Variants in TBL1XR1 observed in about 807,000 individuals in gnomAD.
TBL1XR1 encodes TBL1X/Y related 1, also known as F-box-like/WD repeat-containing protein TBL1XR1.
In TBL1XR1, 5 loss-of-function variants were observed where a neutral mutation model predicts 66.9. The observed-to-expected ratio is 0.07, with a 90% CI of 0.04 to 0.16. The LOEUF is 0.16. Ranked by LOEUF, TBL1XR1 falls within the 10% of genes least tolerant of loss-of-function variation. TBL1XR1 has a pLI of 1.00. For synonymous variants in TBL1XR1, 210 were observed against 206.0 expected (o/e 1.02, Z -0.17); for missense variants, 238 against 623.2 (o/e 0.38, Z 6.58).
chr3:177,043,256 A>G (rs1455464985), intron 10 of TBL1XR1, among the ~76,000 whole-genome samples: 2 of 152,234 alleles, frequency 1.3e-5, no homozygotes, highest in Admixed American at 1.3e-4. Flanking sequence ...AGAGAAGAAT[A>G]CTAAAGTCTT....
chr3:177,077,599 A>G (rs1162509040), intron 2 of TBL1XR1, among the ~76,000 whole-genome samples: 1 of 152,162 alleles, frequency 6.6e-6, no homozygotes, highest in Non-Finnish European at 1.5e-5. Context: ...CTATGGTTCC[A>G]AAGTACCTAT....
chr3:177,197,618 CCGGGCGGG>C (rs1311855525), upstream of TBL1XR1, among the ~76,000 whole-genome samples: 3 of 130,690 alleles, frequency 2.3e-5, no homozygotes, highest in Non-Finnish European at 5.0e-5. Flanking sequence ...GCGGCCTGCG[CCGGGCGGG>C]CGGGCGAGCG....
At chr3:177,068,978 C>T (rs551656736) in intron 2 of TBL1XR1, among the ~76,000 whole-genome samples, 1 of 152,264 alleles carries the variant, frequency 6.6e-6, no homozygotes, top group East Asian at 1.9e-4. Flanking sequence ...TTAGATGTGA[C>T]GAACTTAAAT....
intron 1 of TBL1XR1, among the ~76,000 whole-genome samples, chr3:177,140,028 T>A (rs1438312637): frequency 6.6e-6 from 1 of 152,116 alleles, no homozygotes; most frequent in Non-Finnish European, 1.5e-5. Flanking sequence ...AACAGCCAGG[T>A]GCGGTGGCTC....
At chr3:177,057,081 G>A (rs1325687187) in intron 3 of TBL1XR1, among the ~76,000 whole-genome samples, 1 of 152,070 alleles carries the variant, frequency 6.6e-6, no homozygotes, top group Non-Finnish European at 1.5e-5. Context: ...TGGCTCTTCT[G>A]TCTCTCCAGT....
At chr3:177,194,691 T>C (rs1433932268) in intron 1 of TBL1XR1, among the ~76,000 whole-genome samples, 4 of 152,178 alleles carry the variant, frequency 2.6e-5, no homozygotes, top group African/African-American at 9.7e-5. Flanking sequence ...CTTATATTTA[T>C]ATTACCTTCT....
At chr3:177,084,268 T>A (rs1272476983) in intron 2 of TBL1XR1, among the ~76,000 whole-genome samples, 1 of 152,154 alleles carries the variant, frequency 6.6e-6, no homozygotes, top group Admixed American at 6.5e-5. Flanking sequence ...ACTTCCCCAC[T>A]TAATCCCTGT....
chr3:177,150,235 A>T (rs1441688813), intron 1 of TBL1XR1, among the ~76,000 whole-genome samples: 1 of 152,186 alleles, frequency 6.6e-6, no homozygotes, highest in Non-Finnish European at 1.5e-5. Flanking sequence ...AGATTTTTTT[A>T]AATTAACAAA....
At chr3:177,069,520 G>A (rs1719601704) in intron 2 of TBL1XR1, among the ~76,000 whole-genome samples, 1 of 151,926 alleles carries the variant, frequency 6.6e-6, no homozygotes, top group South Asian at 2.1e-4. Context: ...GATCACCTGA[G>A]GTCAGGAGTT....
chr3:177,098,362 G>C, intron 2 of TBL1XR1, 104 bp downstream of exon 2: 1 of 505,182 alleles, frequency 2.0e-6, no homozygotes, highest in Middle Eastern at 9.5e-4. Context: ...CTTAGCTTGG[G>C]AACACATGTA....
At chr3:177,147,632 A>G (rs1196365835) in intron 1 of TBL1XR1, among the ~76,000 whole-genome samples, 3 of 152,216 alleles carry the variant, frequency 2.0e-5, no homozygotes, top group African/African-American at 7.2e-5. Flanking sequence ...AGCAAAAGAA[A>G]TAGTCTTTAT....
chr3:177,040,758 G>A (rs528300033), intron 10 of TBL1XR1, among the ~76,000 whole-genome samples: 21 of 152,052 alleles, frequency 1.4e-4, no homozygotes, highest in African/African-American at 2.2e-4. Flanking sequence ...ACAAAGAAGC[G>A]AATTGTAGTA....
At chr3:177,145,160 C>T (rs1730098846) in intron 1 of TBL1XR1, among the ~76,000 whole-genome samples, 1 of 152,086 alleles carries the variant, frequency 6.6e-6, no homozygotes, top group Non-Finnish European at 1.5e-5. Flanking sequence ...GTCCCTAAAA[C>T]CGTAACATAA....
intron 7 of TBL1XR1, 113 bp downstream of exon 7, chr3:177,049,884 T>C: frequency 1.3e-6 from 1 of 747,808 alleles, no homozygotes; most frequent in Non-Finnish European, 1.8e-6. Flanking sequence ...TTGTTGTTAC[T>C]AGTTAATAAA....
At chr3:177,148,084 C>T (rs1560228844) in intron 1 of TBL1XR1, among the ~76,000 whole-genome samples, 1 of 152,084 alleles carries the variant, frequency 6.6e-6, no homozygotes, top group African/African-American at 2.4e-5. Context: ...GAAACAAGTC[C>T]GTTATTTTAT....
At chr3:177,102,406 G>A (rs191327037) in intron 1 of TBL1XR1, among the ~76,000 whole-genome samples, 1 of 152,184 alleles carries the variant, frequency 6.6e-6, no homozygotes, top group Admixed American at 6.5e-5. Flanking sequence ...TTTCTTAGAT[G>A]TTTTCCTAGT....
intron 1 of TBL1XR1, among the ~76,000 whole-genome samples, chr3:177,148,773 G>T (rs535822766): frequency 6.6e-6 from 1 of 152,088 alleles, no homozygotes; most frequent in Non-Finnish European, 1.5e-5. Context: ...ACTTTGGGAG[G>T]CCGGGTGGAT....
intron 1 of TBL1XR1, among the ~76,000 whole-genome samples, chr3:177,135,719 A>T (rs974906181): frequency 6.6e-6 from 1 of 151,984 alleles, no homozygotes; most frequent in Non-Finnish European, 1.5e-5. Context: ...AACCAAGCTA[A>T]CAAGATATTA....
chr3:177,105,495 C>T (rs964862204), intron 1 of TBL1XR1, among the ~76,000 whole-genome samples: 6 of 152,228 alleles, frequency 3.9e-5, no homozygotes, highest in Non-Finnish European at 8.8e-5. Context: ...GACATTCCTA[C>T]ATCTTAATAG....
Sources: allele counts gnomAD v4.1 joint callset (sites outside exome capture counted in the v4.1 genomes callset), GRCh38; gene constraint gnomAD v4.1.1; transcripts MANE v1.5; gene names NCBI Gene and HGNC (gene_info 2026-07-23, HGNC 2026-07-21).